Variants in FNIP2 observed in about 807,000 individuals in gnomAD.
FNIP2 encodes folliculin-interacting protein 2.
Under a neutral mutation model 108.7 loss-of-function variants are expected in FNIP2, and 32 were observed. The ratio of observed to expected loss-of-function variants is 0.29; its 90% CI spans 0.22 to 0.40. The LOEUF (loss-of-function observed/expected upper bound fraction) is 0.40, where lower values mean the gene tolerates loss of function less well. Ranked by LOEUF, FNIP2 falls within the 10% of genes least tolerant of loss-of-function variation. The probability of loss-of-function intolerance (pLI) is 1.00; values close to 1 mark genes in which losing one functional copy is unlikely to be tolerated. For synonymous variants in FNIP2, 480 were observed against 496.7 expected, an observed-to-expected ratio of 0.97 and a Z score of 0.45; for missense variants, 1,202 against 1,381.6, an observed-to-expected ratio of 0.87 and a Z score of 2.06.
At chr4:158,901,432 A>C (rs1729255296) in intron 16 of FNIP2, among the ~76,000 whole-genome samples, 1 of 151,328 alleles carries the variant, frequency 6.6e-6, no homozygotes, top group East Asian at 1.9e-4. Context: ...TTTTTCCTTC[A>C]TTTCAACCTC....
chr4:158,856,299 A>G (rs1323211555), intron 8 of FNIP2, among the ~76,000 whole-genome samples: 2 of 152,242 alleles, frequency 1.3e-5, no homozygotes, highest in South Asian at 2.1e-4. Context: ...ACATAGGTTC[A>G]GTATAAGTTC....
intron 7 of FNIP2, 173 bp downstream of exon 7, chr4:158,835,649 G>A: frequency 2.1e-6 from 1 of 484,582 alleles, no homozygotes; most frequent in Non-Finnish European, 3.8e-6. Context: ...GTATCCATGA[G>A]TGATTGTGCA....
chr4:158,841,450 A>C (rs1779127627), intron 7 of FNIP2, among the ~76,000 whole-genome samples: 1 of 152,216 alleles, frequency 6.6e-6, no homozygotes, highest in Non-Finnish European at 1.5e-5. Flanking sequence ...GGACCATTGA[A>C]TAATGAAGGA....
intron 14 of FNIP2, among the ~76,000 whole-genome samples, chr4:158,873,556 G>T (rs1781085599): frequency 6.6e-6 from 1 of 152,126 alleles, no homozygotes. Context: ...TTCTCTCATT[G>T]AGAGATTGCT....
At chr4:158,769,453 G>T (rs544504102) in intron 1 of FNIP2, 134 bp downstream of exon 1, 269 of 480,490 alleles carry the variant, frequency 5.6e-4, no homozygotes, top group African/African-American at 4.1e-3. Context: ...CTGGTCCCGG[G>T]CTTGTCAGCG....
chr4:158,881,599 T>G (rs1781636639), intron 14 of FNIP2, among the ~76,000 whole-genome samples: 1 of 152,230 alleles, frequency 6.6e-6, no homozygotes, highest in Non-Finnish European at 1.5e-5. Context: ...TGCAGGCGCG[T>G]GCCGCCACGC....
rs1237804856 is a variant in FNIP2 at position 158,833,778 on chromosome 4, C to T, written c.655+150C>T. 7 of 1,514,756 alleles carry T rather than the reference C, an allele frequency of 4.6e-6. No homozygotes were observed. The Admixed American group carries it at 7.9e-5, about 17-fold the overall frequency. 93.8% of individuals were successfully genotyped at this position (1,514,756 alleles called of 1,614,324 possible). On this transcript the variant is annotated intron_variant, in intron 6 of 16. Transcript: ENST00000264433. ...TTTGTATGTGTACTTTGTTTGCCCT[C>T]TTCTATGTGTTTCCATCTCTAGGTC...
At chr4:158,849,474 A>G (rs1200477539) in intron 7 of FNIP2, among the ~76,000 whole-genome samples, 1 of 152,130 alleles carries the variant, frequency 6.6e-6, no homozygotes, top group Admixed American at 6.5e-5. Flanking sequence ...CCATCTGTCA[A>G]CCTTGTTCTC....
Position 158,905,710 on chromosome 4 carries a change from A to G in FNIP2, c.*1166A>G. On this transcript the variant is annotated 3_prime_UTR_variant, in exon 17 of 17. Coordinates refer to ENST00000264433, the MANE Select transcript of FNIP2 (RefSeq NM_020840.3). ...AAGTTCATGCAAAAAAAAAAAAAAA[A>G]CAACCTAATTTTCTGTTAATATAAA... is the stretch of plus-strand genomic sequence containing the variant. The G allele has an allele frequency of 7.6e-6, 1 of 132,382 alleles. No individual in the cohort carries two copies. Among genetic ancestry groups the G allele is most frequent in the East Asian group, 2.1e-4 (1 of 4,702 alleles). 8.2% of individuals were successfully genotyped at this position (132,382 alleles called of 1,614,324 possible). A position where few individuals can be genotyped will look rare whatever the true frequency, so the allele number is the denominator to read the frequency against.
At chr4:158,820,290 G>A (rs990965023) in intron 1 of FNIP2, among the ~76,000 whole-genome samples, 2 of 152,096 alleles carry the variant, frequency 1.3e-5, no homozygotes, top group Non-Finnish European at 2.9e-5. Flanking sequence ...TTTCCACATG[G>A]GGATACCCAT....
intron 14 of FNIP2, among the ~76,000 whole-genome samples, chr4:158,887,086 G>A (rs1392683525): frequency 2.0e-5 from 3 of 152,148 alleles, no homozygotes; most frequent in African/African-American, 7.2e-5. Flanking sequence ...GTACAGGCAT[G>A]CCCCACCTTC....
intron 1 of FNIP2, among the ~76,000 whole-genome samples, chr4:158,794,012 A>G (rs946740220): frequency 6.6e-5 from 10 of 152,256 alleles, no homozygotes; most frequent in African/African-American, 2.4e-4. Context: ...TTCTCTAAGT[A>G]TAAAATTCAC....
chr4:158,785,903 G>A (rs901348384), intron 1 of FNIP2, among the ~76,000 whole-genome samples: 4 of 152,106 alleles, frequency 2.6e-5, no homozygotes, highest in African/African-American at 9.7e-5. Context: ...TCAGCATTTT[G>A]TTGGCTCCTC....
At chr4:158,889,550 C>G (rs1347085676) in intron 14 of FNIP2, among the ~76,000 whole-genome samples, 1 of 152,158 alleles carries the variant, frequency 6.6e-6, no homozygotes, top group Non-Finnish European at 1.5e-5. Flanking sequence ...CGATTTGAAC[C>G]TAGGGTCCAA....
intron 14 of FNIP2, among the ~76,000 whole-genome samples, chr4:158,887,599 G>A (rs899366211): frequency 7.9e-5 from 12 of 152,030 alleles, no homozygotes; most frequent in African/African-American, 2.9e-4. Context: ...TTAGCTGGGT[G>A]TGGTGGTGGG....
chr4:158,884,434 A>T (rs1781904106), intron 14 of FNIP2, among the ~76,000 whole-genome samples: 1 of 152,228 alleles, frequency 6.6e-6, no homozygotes, highest in Admixed American at 6.5e-5. Context: ...ATGAAGTGCC[A>T]AAATGAATGG....
At chr4:158,884,972 C>A (rs543798596) in intron 14 of FNIP2, among the ~76,000 whole-genome samples, 2 of 144,490 alleles carry the variant, frequency 1.4e-5, no homozygotes, top group Admixed American at 7.0e-5. Context: ...AAAACCCTAC[C>A]TCTGCTAAAA....
chr4:158,808,303 A>G (rs1023841474), intron 1 of FNIP2, among the ~76,000 whole-genome samples: 2 of 152,200 alleles, frequency 1.3e-5, no homozygotes, highest in African/African-American at 2.4e-5. Flanking sequence ...AAAAACCTCT[A>G]AAATTTTTGA....
chr4:158,848,548 C>T (rs950223528), intron 7 of FNIP2, among the ~76,000 whole-genome samples: 2 of 152,170 alleles, frequency 1.3e-5, no homozygotes, highest in Non-Finnish European at 2.9e-5. Flanking sequence ...CAATACCTAA[C>T]TCTTCAATGC....
Sources: gnomAD v4.1 joint callset for allele counts (sites outside exome capture counted in the v4.1 genomes callset) on GRCh38, gnomAD v4.1.1 for gene constraint, MANE v1.5 for transcripts, NCBI Gene and HGNC (gene_info 2026-07-23, HGNC 2026-07-21) for gene names.